ARL15: variants seen among roughly 807,000 people sequenced by gnomAD.
The protein encoded by ARL15 is ADP-ribosylation factor-like protein 15.
A neutral mutation model predicts 25.2 loss-of-function variants in ARL15; 19 were observed. The observed-to-expected ratio is 0.75, with a 90% CI of 0.53 to 1.10. The LOEUF is 1.10. Among genes scored for constraint, ARL15 ranks in the 50% least tolerant of loss-of-function variants. The pLI, the probability that ARL15 is intolerant of heterozygous loss-of-function variation, is 0.00. For missense variants in ARL15, 220 were observed against 246.0 expected (o/e 0.89, Z 0.71); for synonymous variants, 94 against 86.8 (o/e 1.08, Z -0.46).
intron 4 of ARL15, among the ~76,000 whole-genome samples, chr5:53,913,936 T>C (rs1362005002): frequency 6.6e-6 from 1 of 152,212 alleles, no homozygotes; most frequent in Non-Finnish European, 1.5e-5. Context: ...TTATTATATG[T>C]GTGTGTATAT....
At chr5:54,044,783 C>A (rs1003772329) in intron 4 of ARL15, among the ~76,000 whole-genome samples, 1 of 152,152 alleles carries the variant, frequency 6.6e-6, no homozygotes, top group East Asian at 1.9e-4. Context: ...TTTTAAAAAT[C>A]TCTACAAACA....
At chr5:54,044,124 ATT>A (rs1397308543) in intron 4 of ARL15, among the ~76,000 whole-genome samples, 1 of 152,208 alleles carries the variant, frequency 6.6e-6, no homozygotes, top group Non-Finnish European at 1.5e-5. Flanking sequence ...TATTAAGCAC[ATT>A]AGATGTGCCT....
rs1167280985 is a variant in ARL15 at position 54,308,001 on chromosome 5, GA to G, written c.48+2430del. ...TTTTTAAAAATAAAATAAGATACCA[GA>G]TGCAAATAAATTGATTTCTATTCCT... is the stretch of plus-strand genomic sequence containing the variant. On this transcript the variant is annotated intron_variant, in intron 1 of 4. Transcript: ENST00000504924. 3 of 152,126 alleles carry G rather than the reference GA, an allele frequency of 2.0e-5. No individual in the cohort carries two copies. In the East Asian group the frequency reaches 5.8e-4, roughly 29 times the overall value. 9.4% of individuals were successfully genotyped at this position (152,126 alleles called of 1,614,324 possible).
Position 54,211,467 on chromosome 5 carries a change from C to CTTTTTTT in ARL15, c.49-39546_49-39540dup, listed in dbSNP as rs57554255. ...TTTTAGGCAGCGCTTAAATGAAACA[C>CTTTTTTT]TTTTTTTTTTTTTTTTTTTTGAGAC... On this transcript the variant is annotated intron_variant, in intron 1 of 4. Transcript: ENST00000504924. Among the ~76,000 whole-genome samples the CTTTTTTT allele has an allele frequency of 8.3e-4, 99 of 119,608 alleles. 2 individuals are homozygous for CTTTTTTT. Among genetic ancestry groups the CTTTTTTT allele is most frequent in the African/African-American group, 2.8e-3 (87 of 31,278 alleles). 78.5% of individuals were successfully genotyped at this position (119,608 alleles called of 152,430 possible). A position where few individuals can be genotyped will look rare whatever the true frequency, so the allele number is the denominator to read the frequency against.
intron 4 of ARL15, among the ~76,000 whole-genome samples, chr5:54,025,410 T>C (rs1324149444): frequency 6.6e-6 from 1 of 152,144 alleles, no homozygotes; most frequent in Non-Finnish European, 1.5e-5. Flanking sequence ...AGAATTTAAT[T>C]CAATTTCTTA....
Position 54,222,838 on chromosome 5 carries a change from T to G in ARL15, c.49-50910A>C, listed in dbSNP as rs1005385595. On this transcript the variant is annotated intron_variant, in intron 1 of 4. Transcript: ENST00000504924. ...TATAATACTTTTTATTTTTTATTTT[T>G]TTTGAGACGGAGTCTCACTCTGTCG... Among the ~76,000 whole-genome samples the G allele has an allele frequency of 3.9e-5, 6 of 152,188 alleles. No homozygotes were observed. The East Asian group carries it at 1.2e-3, about 29-fold the overall frequency.
intron 4 of ARL15, among the ~76,000 whole-genome samples, chr5:54,026,727 T>C (rs1193813227): frequency 6.6e-6 from 1 of 152,134 alleles, no homozygotes; most frequent in Non-Finnish European, 1.5e-5. Context: ...TCACAAATAT[T>C]GCCTGAGCCA....
At chr5:54,272,080 C>A (rs1264180497) in intron 1 of ARL15, among the ~76,000 whole-genome samples, 1 of 140,832 alleles carries the variant, frequency 7.1e-6, no homozygotes, top group African/African-American at 2.6e-5. Flanking sequence ...AATAGCTAGG[C>A]CTATAGGTGT....
At chr5:54,091,549 T>A (rs184282565) in intron 4 of ARL15, among the ~76,000 whole-genome samples, 285 of 152,206 alleles carry the variant, frequency 1.9e-3, no homozygotes, top group African/African-American at 6.6e-3. Context: ...ATCCAGAGAC[T>A]GTCTGCAGAG....
At chr5:54,154,132 CA>C (rs1754150512) in intron 3 of ARL15, among the ~76,000 whole-genome samples, 1 of 152,004 alleles carries the variant, frequency 6.6e-6, no homozygotes, top group Non-Finnish European at 1.5e-5. Context: ...GCTTGGCCAG[CA>C]AAGAACCCAT....
At chr5:54,036,843 G>C (rs1004177499) in intron 4 of ARL15, among the ~76,000 whole-genome samples, 4 of 152,120 alleles carry the variant, frequency 2.6e-5, no homozygotes, top group Non-Finnish European at 4.4e-5. Flanking sequence ...TTTCAAAAAT[G>C]GTTTTAGGTG....
chr5:53,893,597 G>C (rs896577742), intron 4 of ARL15, among the ~76,000 whole-genome samples: 9 of 151,964 alleles, frequency 5.9e-5, no homozygotes, highest in Non-Finnish European at 1.0e-4. Flanking sequence ...GACAGAGCGA[G>C]ACTCCATCTC....
At chr5:54,123,927 G>A (rs980839586) in intron 3 of ARL15, among the ~76,000 whole-genome samples, 1 of 152,140 alleles carries the variant, frequency 6.6e-6, no homozygotes, top group Non-Finnish European at 1.5e-5. Flanking sequence ...AAGGAGTAGG[G>A]ATCAATGCAC....
intron 3 of ARL15, among the ~76,000 whole-genome samples, chr5:54,121,033 T>G (rs1753058304): frequency 6.6e-6 from 1 of 152,130 alleles, no homozygotes; most frequent in Non-Finnish European, 1.5e-5. Flanking sequence ...CGGAAAAAGT[T>G]AAAAACCATC....
chr5:54,252,817 G>A (rs962686963), intron 1 of ARL15, among the ~76,000 whole-genome samples: 1 of 152,054 alleles, frequency 6.6e-6, no homozygotes, highest in African/African-American at 2.4e-5. Flanking sequence ...CTCTGCCTCC[G>A]GGCTCAAGCA....
chr5:53,942,517 G>T lies in ARL15; in HGVS notation c.463-55804C>A, dbSNP rs142684727. Among the ~76,000 whole-genome samples the T allele has an allele frequency of 5.9e-5, 9 of 152,298 alleles. No individual in the cohort carries two copies. The East Asian group carries it at 1.7e-3, about 29-fold the overall frequency. On this transcript the variant is annotated intron_variant, in intron 4 of 4. Coordinates refer to ENST00000504924, the MANE Select transcript of ARL15 (RefSeq NM_019087.3). ...AATCCCAGCATTTTGGGAGGCCGAGGCAGGTGGATCATGAGGTCAAGAGAT... is the reference window on the plus strand; with the variant it reads ...AATCCCAGCATTTTGGGAGGCCGAGTCAGGTGGATCATGAGGTCAAGAGAT...
At chr5:53,992,692 G>A (rs1748542767) in intron 4 of ARL15, among the ~76,000 whole-genome samples, 1 of 151,618 alleles carries the variant, frequency 6.6e-6, no homozygotes, top group South Asian at 2.1e-4. Context: ...TACCATGTTA[G>A]ATGCCCATCC....
intron 3 of ARL15, among the ~76,000 whole-genome samples, chr5:54,127,199 T>A (rs1440574139): frequency 6.6e-6 from 1 of 152,228 alleles, no homozygotes. Flanking sequence ...CTGCATAGTA[T>A]ACCATGGTGT....
intron 1 of ARL15, among the ~76,000 whole-genome samples, chr5:54,193,455 T>TGAG (rs1339344066): frequency 1.3e-5 from 2 of 152,140 alleles, no homozygotes; most frequent in Non-Finnish European, 2.9e-5. Flanking sequence ...AAGGGAGCAT[T>TGAG]GTGGCTTGAG....
Sources: gnomAD v4.1 joint callset for allele counts (sites outside exome capture counted in the v4.1 genomes callset) on GRCh38, gnomAD v4.1.1 for gene constraint, MANE v1.5 for transcripts, NCBI Gene and HGNC (gene_info 2026-07-23, HGNC 2026-07-21) for gene names.